The following EIF2B5 variants were observed in gnomAD, a reference collection of about 807,000 sequenced individuals.
EIF2B5 encodes the protein translation initiation factor eIF2B subunit epsilon.
A neutral mutation model predicts 87.3 loss-of-function variants in EIF2B5; 38 were observed. The observed-to-expected ratio is 0.44, with a 90% CI of 0.34 to 0.57. The LOEUF (loss-of-function observed/expected upper bound fraction) is 0.57, where lower values mean the gene tolerates loss of function less well. Among genes scored for constraint, EIF2B5 ranks in the 20% least tolerant of loss-of-function variants. The pLI is 0.02. For synonymous variants in EIF2B5, 313 were observed against 339.6 expected (o/e 0.92, Z 0.86); for missense variants, 784 against 909.5 (o/e 0.86, Z 1.78).
chr3:184,144,041 T>C (rs975816533), intron 13 of EIF2B5, 58 bp from the exon 14 acceptor site: 4 of 1,613,376 alleles, frequency 2.5e-6, no homozygotes, highest in African/African-American at 2.7e-5. Context: ...TTTGCTTGGA[T>C]GTCCAGGTAT....
At chr3:184,135,722 G>A (rs766009344) in intron 1 of EIF2B5, 142 bp downstream of exon 1, 17 of 1,192,928 alleles carry the variant, frequency 1.4e-5, no homozygotes, top group Non-Finnish European at 1.8e-5. Context: ...CAGAGGGACT[G>A]TCTAAACCCT....
At chr3:184,137,259 C>T (rs1713406099) in intron 2 of EIF2B5, 1 of 391,396 alleles carries the variant, frequency 2.6e-6, no homozygotes, top group African/African-American at 2.1e-5. Flanking sequence ...CTCCATCAGA[C>T]AGTTCCTAAA....
At chr3:184,135,857 G>A (rs751067777) in intron 1 of EIF2B5, 80 of 547,446 alleles carry the variant, frequency 1.5e-4, no homozygotes, top group Middle Eastern at 1.4e-3. Context: ...TTCACGCGGG[G>A]ATTCAGTGCC....
At chr3:184,138,385 CT>C in intron 5 of EIF2B5, 139 bp downstream of exon 5, 1 of 867,170 alleles carries the variant, frequency 1.2e-6, no homozygotes, top group Non-Finnish European at 1.8e-6. Context: ...GAGACAGAGT[CT>C]CGCTCTGTTG....
Position 184,143,569 on chromosome 3 carries a change from A to G in EIF2B5, c.1869+4A>G. On this transcript the variant is annotated splice_donor_region_variant and intron_variant, in intron 13 of 15. Coordinates refer to ENST00000648915, the MANE Select transcript of EIF2B5 (RefSeq NM_003907.3). ...CTACTGTGCCCTGCTGCTTCCTGTG[A>G]GCAAAGATTGGAGCTGAGTACAAGG... 6.2e-7 allele frequency: 1 copy of G among 1,614,168 alleles called. No homozygotes were observed. Among genetic ancestry groups the G allele is most frequent in the Non-Finnish European group, 8.5e-7 (1 of 1,180,026 alleles).
chr3:184,141,870 T>C (rs1206268786), intron 7 of EIF2B5, 55 bp from the exon 8 acceptor site: 1 of 1,611,702 alleles, frequency 6.2e-7, no homozygotes, highest in Non-Finnish European at 8.5e-7. Context: ...TATGAAGGGC[T>C]CTGCTCTGCG....
At chr3:184,139,292 TTTTTTTG>T (rs1713512031) in intron 5 of EIF2B5, among the ~76,000 whole-genome samples, 1 of 139,536 alleles carries the variant, frequency 7.2e-6, no homozygotes, top group African/African-American at 2.7e-5. Context: ...TTTTTTTTTT[TTTTTTTG>T]AGTCGGAGTT....
intron 2 of EIF2B5, 97 bp downstream of exon 2, chr3:184,136,833 T>G: frequency 1.3e-6 from 2 of 1,544,514 alleles, no homozygotes; most frequent in Non-Finnish European, 1.8e-6. Flanking sequence ...GGGAAAAATG[T>G]GTCTACTTAG....
At chr3:184,140,849 A>G (rs759794425) in intron 7 of EIF2B5, 119 bp downstream of exon 7, 8 of 1,198,362 alleles carry the variant, frequency 6.7e-6, no homozygotes, top group Non-Finnish European at 9.6e-6. Context: ...AAGGAACTAT[A>G]GAGCGGCTAC....
chr3:184,143,962 A>T (rs843357), intron 13 of EIF2B5, 137 bp from the exon 14 acceptor site: 3 of 1,342,050 alleles, frequency 2.2e-6, no homozygotes, highest in Non-Finnish European at 3.2e-6. Context: ...ACAACTCCCA[A>T]GTCCCTCTGA....
intron 13 of EIF2B5, chr3:184,143,894 A>G: frequency 1.2e-6 from 1 of 817,096 alleles, no homozygotes; most frequent in South Asian, 1.6e-5. Flanking sequence ...GAGGCAGCCT[A>G]TAGCATCTGA....
chr3:184,136,537 G>A, intron 1 of EIF2B5, 75 bp from the exon 2 acceptor site: 2 of 1,567,706 alleles, frequency 1.3e-6, no homozygotes, highest in Non-Finnish European at 1.8e-6. Context: ...TACGAATAGA[G>A]GAGTGAAAAT....
At chr3:184,137,415 C>G (rs780530348) in intron 2 of EIF2B5, 3 of 626,902 alleles carry the variant, frequency 4.8e-6, no homozygotes, top group Non-Finnish European at 8.5e-6. Flanking sequence ...ACCATGTTTC[C>G]TAACCCATAA....
intron 13 of EIF2B5, 79 bp from the exon 14 acceptor site, chr3:184,144,020 A>G: frequency 6.2e-7 from 1 of 1,600,718 alleles, no homozygotes; most frequent in Non-Finnish European, 8.6e-7. Context: ...CACCCATGTC[A>G]TCAGTATGGA....
rs376524843 is a variant in EIF2B5 at position 184,142,767 on chromosome 3, A to C, written c.1547-12A>C. The stretch of plus-strand genomic sequence containing the variant: ...CTTTTTTTCTTTTTCCTCACCCATT[A>C]TGGCTTCTCAGGACTCAAGATCAAC... On this transcript the variant is annotated splice_polypyrimidine_tract_variant and intron_variant, in intron 10 of 15. Coordinates refer to ENST00000648915, the MANE Select transcript of EIF2B5 (RefSeq NM_003907.3). The surrounding 1 kb of genome is among the most constrained non-coding windows in gnomAD (Gnocchi z 5.0). 1.1e-5 allele frequency: 17 copies of C among 1,612,306 alleles called. No individual in the cohort carries two copies. Among genetic ancestry groups the C allele is most frequent in the Non-Finnish European group, 1.4e-5 (16 of 1,179,164 alleles).
chr3:184,144,696 A>C lies in EIF2B5; in HGVS notation c.2095A>C (p.Lys699Gln), dbSNP rs753699713. ...DTTDKGQQLRKNQQLQRFIQW... is the reference protein window; with the variant it reads ...DTTDKGQQLRQNQQLQRFIQW... ...AACTGACAAGGGCCAGCAGTTGCGC[A>C]AGAATCAACAGGTGCGTCAGGCTGT... The change falls in exon 15 of 16, where the codon AAG becomes CAG. Residue 699 changes from lysine to glutamine, a missense_variant. Lys to Gln is a moderately conservative substitution (Grantham distance 53). This residue lies in a region of EIF2B5 where 660 missense variants were observed against 789.5 expected (regional missense o/e 0.84). Transcript: ENST00000648915. 6 of 1,613,794 alleles carry C rather than the reference A, an allele frequency of 3.7e-6. No individual in the cohort carries two copies. The highest frequency in any genetic ancestry group is 3.3e-5 in the Admixed American group (2 of 59,956).
In EIF2B5 at chr3:184,144,635, G is replaced by C; in HGVS notation, c.2034G>C (p.Glu678Asp). The C allele has an allele frequency of 6.2e-7, 1 of 1,614,114 alleles. No homozygotes were observed. Among genetic ancestry groups the C allele is most frequent in the African/African-American group, 1.3e-5 (1 of 75,038 alleles). ...TCTACCAGCTGGAGATCCTGGCTGA[G>C]GAAACAATTCTGAGCTGGTTCAGCC... Reference protein sequence around the residue: ...MAFYQLEILAEETILSWFSQR... With the variant: ...MAFYQLEILADETILSWFSQR... The change falls in exon 15 of 16, where the codon GAG (glutamate) becomes GAC (aspartate). Residue 678 changes from glutamate to aspartate, a missense_variant. Coordinates refer to ENST00000648915, the MANE Select transcript of EIF2B5 (RefSeq NM_003907.3).
At chr3:184,137,520 C>A in intron 2 of EIF2B5, 100 bp from the exon 3 acceptor site, 1 of 1,242,026 alleles carries the variant, frequency 8.1e-7, no homozygotes, top group Non-Finnish European at 1.2e-6. Flanking sequence ...AAAAAGCCAT[C>A]GAGAAGGACT....
intron 5 of EIF2B5, among the ~76,000 whole-genome samples, chr3:184,139,403 C>G (rs1713520162): frequency 6.7e-6 from 1 of 150,346 alleles, no homozygotes; most frequent in African/African-American, 2.4e-5. Flanking sequence ...GCCTCAGCCT[C>G]CCAAATAGCT....
Sources: gnomAD v4.1 joint callset for allele counts (sites outside exome capture counted in the v4.1 genomes callset) on GRCh38, gnomAD v4.1.1 for gene constraint, gnomAD v4.1.1 regional missense constraint, Gnocchi (gnomAD v3.1) non-coding constraint, MANE v1.5 for transcripts, NCBI Gene and HGNC (gene_info 2026-07-23, HGNC 2026-07-21) for gene names.